The following DNAH8 variants were observed in gnomAD, a reference collection of about 807,000 sequenced individuals.
DNAH8 encodes dynein axonemal heavy chain 8, also known as axonemal beta dynein heavy chain 8.
DNAH8 carries 382 observed loss-of-function variants against 562.1 expected under a neutral mutation model. The observed-to-expected ratio is 0.68, with a 90% CI of 0.63 to 0.74. The LOEUF (loss-of-function observed/expected upper bound fraction) is 0.74, where lower values mean the gene tolerates loss of function less well. Ranked by LOEUF, DNAH8 falls within the 30% of genes least tolerant of loss-of-function variation. The pLI is 0.00. For missense variants in DNAH8, 5,203 were observed against 5,620.4 expected (o/e 0.93, Z 2.37); for synonymous variants, 1,881 against 1,919.4 (o/e 0.98, Z 0.52).
At chr6:38,933,590 G>A (rs1188412350) in intron 76 of DNAH8, among the ~76,000 whole-genome samples, 1 of 152,156 alleles carries the variant, frequency 6.6e-6, no homozygotes, top group Non-Finnish European at 1.5e-5. Context: ...AAGCTAATAT[G>A]ATTTCATTTT....
intron 91 of DNAH8, among the ~76,000 whole-genome samples, chr6:39,022,812 C>G (rs1393477498): frequency 1.3e-5 from 2 of 152,228 alleles, no homozygotes; most frequent in African/African-American, 2.4e-5. Flanking sequence ...GGGCAGCTGC[C>G]TACCCCCATC....
In DNAH8 at chr6:38,782,991, C is replaced by G; in HGVS notation, c.2260-13C>G. ...CAGTCTTTTAAAGTAAATCTTTTCC[C>G]TTAAAAAAACAGAAAAACTCAGACA... On this transcript the variant is annotated splice_polypyrimidine_tract_variant and intron_variant, in intron 16 of 92. Coordinates refer to ENST00000327475, the MANE Select transcript of DNAH8 (RefSeq NM_001206927.2). 6.2e-7 allele frequency: 1 copy of G among 1,606,620 alleles called. No homozygotes were observed. The highest frequency in any genetic ancestry group is 8.5e-7 in the Non-Finnish European group (1 of 1,176,692).
Position 38,734,110 on chromosome 6 carries a change from C to T in DNAH8, c.611-364C>T, listed in dbSNP as rs1399650764. 3.5e-5 allele frequency among the ~76,000 whole-genome samples: 5 copies of T among 144,194 alleles called. No homozygotes were observed. The East Asian group carries it at 5.8e-4, about 17-fold the overall frequency. 94.6% of individuals were successfully genotyped at this position (144,194 alleles called of 152,430 possible). Reference sequence around the variant, plus strand: ...ACCAGCCTGGCCAACAGTGAAACCCCGTCTCTAAGAAAAAATAAATACAAA... The same window carrying T: ...ACCAGCCTGGCCAACAGTGAAACCCTGTCTCTAAGAAAAAATAAATACAAA... On this transcript the variant is annotated intron_variant, in intron 4 of 92. Transcript: ENST00000327475.
intron 4 of DNAH8, among the ~76,000 whole-genome samples, chr6:38,732,254 C>T (rs952280241): frequency 2.0e-4 from 31 of 152,172 alleles, no homozygotes; most frequent in African/African-American, 7.5e-4. Context: ...GGTCACATCT[C>T]TCCTCTTCAT....
chr6:38,722,755 G>A lies in DNAH8; in HGVS notation c.-34-21G>A, dbSNP rs1224390932. ...CACTCAATTTACTGTAGTTTTAAAC[G>A]AACCTATGTTATAATTCTAGGTTTC... On this transcript the variant is annotated intron_variant, in intron 1 of 92. Coordinates refer to ENST00000327475, the MANE Select transcript of DNAH8 (RefSeq NM_001206927.2). 32 of 1,497,178 alleles carry A rather than the reference G, an allele frequency of 2.1e-5. No individual in the cohort carries two copies. In the South Asian group the frequency reaches 3.2e-4, roughly 15 times the overall value. The allele number at this position is 1,497,178 out of a possible 1,614,324, so 92.7% of individuals were successfully genotyped here. A position where few individuals can be genotyped will look rare whatever the true frequency, so the allele number is the denominator to read the frequency against.
Position 38,915,353 on chromosome 6 carries a change from G to A in DNAH8, c.10116G>A (p.Leu3372=), listed in dbSNP as rs1267431634. The change falls in exon 68 of 93, where the codon CTG becomes CTA. Residue 3372 remains leucine, a synonymous_variant. Transcript: ENST00000327475. ...AGCTTGAGGCAGCTAAACCTGCACT[G>A]GAAGAAGCAGAAGCAGCCCTGAATG... The part of the protein sequence containing the change: ...ESKLEAAKPA[L]EEAEAALNTI... 1 of 1,598,696 alleles carries A rather than the reference G, an allele frequency of 6.3e-7. No homozygotes were observed. The highest frequency in any genetic ancestry group is 8.5e-7 in the Non-Finnish European group (1 of 1,174,780).
At chr6:39,026,279 C>T (rs1767272083) in intron 91 of DNAH8, among the ~76,000 whole-genome samples, 1 of 152,262 alleles carries the variant, frequency 6.6e-6, no homozygotes, top group South Asian at 2.1e-4. Context: ...GCTGAAATCT[C>T]AGGAGAGTTT....
chr6:38,737,161 C>G lies in DNAH8; in HGVS notation c.857C>G (p.Thr286Arg), dbSNP rs1764164418. ...ATATTTCTACCAGCTGTTCTTGCAA[C>G]AAACAACTGGGGTGCTTTAAACCAG... is the stretch of plus-strand genomic sequence containing the variant. ...ANIFLPAVLA[T>R]NNWGALNQSK... The change falls in exon 6 of 93, where the codon ACA (threonine) becomes AGA (arginine). Residue 286 changes from threonine (T) to arginine (R), a missense_variant. By Grantham distance (71) the Thr-to-Arg change is moderately conservative (BLOSUM62 -1). This residue lies in a region of DNAH8 where 556 missense variants were observed against 496.9 expected (regional missense o/e 1.12). Coordinates refer to ENST00000327475, the MANE Select transcript of DNAH8 (RefSeq NM_001206927.2). 1 of 1,583,154 alleles carries G rather than the reference C, an allele frequency of 6.3e-7. No homozygotes were observed. The highest frequency in any genetic ancestry group is 8.6e-7 in the Non-Finnish European group (1 of 1,166,812).
At chr6:38,937,472 A>G (rs1783066407) in intron 77 of DNAH8, among the ~76,000 whole-genome samples, 1 of 152,198 alleles carries the variant, frequency 6.6e-6, no homozygotes, top group Non-Finnish European at 1.5e-5. Context: ...AGAGTTTTCT[A>G]TAGCAACGAC....
At chr6:38,811,871 G>T (rs1237325265) in intron 24 of DNAH8, among the ~76,000 whole-genome samples, 1 of 152,068 alleles carries the variant, frequency 6.6e-6, no homozygotes, top group Non-Finnish European at 1.5e-5. Flanking sequence ...ACAGAACCAG[G>T]TCTTATTTCT....
intron 26 of DNAH8, among the ~76,000 whole-genome samples, chr6:38,818,553 A>AAAAAAAAAAAAAAAT (rs1772509274): frequency 6.6e-6 from 1 of 150,642 alleles, no homozygotes; most frequent in Non-Finnish European, 1.5e-5. Context: ...AAAAAAAAAA[A>AAAAAAAAAAAAAAAT]GAAGATATGG....
chr6:38,821,360 A>G (rs781492533), intron 26 of DNAH8, among the ~76,000 whole-genome samples: 2 of 152,200 alleles, frequency 1.3e-5, no homozygotes, highest in Non-Finnish European at 2.9e-5. Context: ...CATGGGTTGG[A>G]AGATCTAATA....
chr6:39,019,435 G>A (rs985605807), intron 91 of DNAH8, among the ~76,000 whole-genome samples: 2 of 152,220 alleles, frequency 1.3e-5, no homozygotes, highest in African/African-American at 4.8e-5. Flanking sequence ...TTTTAAAAGA[G>A]TGGTGGAAGT....
intron 1 of DNAH8, among the ~76,000 whole-genome samples, chr6:38,718,079 C>T (rs1182640258): frequency 6.6e-6 from 1 of 152,130 alleles, no homozygotes. Context: ...CTTTGTATCG[C>T]TAATGATGCA....
At chr6:38,922,924 C>T in intron 71 of DNAH8, 134 bp from the exon 72 acceptor site, 1 of 839,482 alleles carries the variant, frequency 1.2e-6, no homozygotes, top group Middle Eastern at 2.4e-4. Context: ...AGTTTCAATG[C>T]ACACTGTATT....
chr6:38,999,026 C>T (rs1765317265), intron 88 of DNAH8, among the ~76,000 whole-genome samples: 2 of 152,114 alleles, frequency 1.3e-5, no homozygotes, highest in African/African-American at 2.4e-5. Flanking sequence ...CCCTGGAATA[C>T]CAGGGAATGA....
chr6:38,763,200 G>T, intron 11 of DNAH8: 1 of 212,764 alleles, frequency 4.7e-6, no homozygotes, highest in Non-Finnish European at 9.5e-6. Context: ...TGGAAACTCA[G>T]TTCCTTCTAA....
intron 85 of DNAH8, among the ~76,000 whole-genome samples, chr6:38,981,593 G>A (rs1764040865): frequency 6.6e-6 from 1 of 152,230 alleles, no homozygotes; most frequent in African/African-American, 2.4e-5. Context: ...AGATTGCAAA[G>A]GGAAGCCATC....
chr6:38,924,577 A>G (rs1583368384), intron 73 of DNAH8, among the ~76,000 whole-genome samples: 3 of 148,326 alleles, frequency 2.0e-5, no homozygotes, highest in Non-Finnish European at 4.4e-5. Context: ...AAAGTGCTTA[A>G]GAGTTTTTTT....
Sources: gnomAD v4.1 joint callset for allele counts (sites outside exome capture counted in the v4.1 genomes callset) on GRCh38, gnomAD v4.1.1 for gene constraint, gnomAD v4.1.1 regional missense constraint, MANE v1.5 for transcripts, NCBI Gene and HGNC (gene_info 2026-07-23, HGNC 2026-07-21) for gene names.